The following ASAP2 variants were observed in gnomAD, a reference collection of about 807,000 sequenced individuals.
The protein encoded by ASAP2 is ArfGAP with SH3 domain, ankyrin repeat and PH domain 2, also known as arf-GAP with SH3 domain, ANK repeat and PH domain-containing protein 2.
In ASAP2, 45 loss-of-function variants were observed where a neutral mutation model predicts 131.4. The observed-to-expected ratio is 0.34, with a 90% CI of 0.27 to 0.44. ASAP2 has a LOEUF of 0.44. Among genes scored for constraint, ASAP2 ranks in the 20% least tolerant of loss-of-function variants. The pLI is 1.00. For missense variants in ASAP2, 1,011 were observed against 1,297.0 expected, an observed-to-expected ratio of 0.78 and a Z score of 3.39; for synonymous variants, 510 against 503.0, an observed-to-expected ratio of 1.01 and a Z score of -0.19.
In ASAP2 at chr2:9,311,705, G is replaced by A. The variant is rs553586756; in HGVS notation, c.346-6819G>A. ...GCCAGAACTCGAGGATGGCTCGTTC[G>A]GCTGCGGGCCTGAGGCTGCTGGACA... On this transcript the variant is annotated intron_variant, in intron 3 of 27. Transcript: ENST00000281419. The surrounding 1 kb of genome is among the most constrained non-coding windows in gnomAD (Gnocchi z 5.2). 4.7e-4 allele frequency among the ~76,000 whole-genome samples: 72 copies of A among 152,284 alleles called. No homozygotes were observed. Among genetic ancestry groups the A allele is most frequent in the Middle Eastern group, 3.4e-3 (1 of 294 alleles).
intron 20 of ASAP2, among the ~76,000 whole-genome samples, chr2:9,381,922 T>C (rs966300132): frequency 6.6e-6 from 1 of 151,366 alleles, no homozygotes; most frequent in African/African-American, 2.4e-5. Flanking sequence ...GCTATACAAG[T>C]GTAAGATAAG....
At chr2:9,344,979 A>T (rs997529481) in intron 11 of ASAP2, among the ~76,000 whole-genome samples, 179 bp downstream of exon 11, 2 of 138,956 alleles carry the variant, frequency 1.4e-5, no homozygotes, top group East Asian at 2.1e-4. Context: ...GTGCACCTGC[A>T]GCCTGTTTAT....
chr2:9,385,587 T>A (rs1035875713), intron 21 of ASAP2, among the ~76,000 whole-genome samples: 2 of 152,202 alleles, frequency 1.3e-5, no homozygotes, highest in Admixed American at 1.3e-4. Flanking sequence ...TATGTACTTA[T>A]AGGCAGCCTT....
At chr2:9,226,025 G>A (rs1357217871) in intron 1 of ASAP2, among the ~76,000 whole-genome samples, 1 of 152,202 alleles carries the variant, frequency 6.6e-6, no homozygotes, top group Non-Finnish European at 1.5e-5. Context: ...GTTCTGCCAG[G>A]GAGGAGATGA....
chr2:9,236,570 A>G (rs1310791639), intron 1 of ASAP2, among the ~76,000 whole-genome samples: 6 of 152,238 alleles, frequency 3.9e-5, no homozygotes, highest in African/African-American at 1.2e-4. Context: ...CTGTATAAAC[A>G]TTCTTAATGT....
At position 9,323,247 on chromosome 2, in the gene ASAP2, C is replaced by T. The variant is rs772270223; in HGVS notation, c.597C>T (p.Cys199=). The T allele has an allele frequency of 1.9e-5, 30 of 1,613,954 alleles. No individual in the cohort carries two copies. Among genetic ancestry groups the T allele is most frequent in the East Asian group, 1.1e-4 (5 of 44,896 alleles). Residue 199 remains cysteine, a synonymous_variant, in exon 6 of 28, where the codon TGC becomes TGT. Transcript: ENST00000281419. ...KERRFFQLQM[C]EYLLKVNEIK... ...GGCGCTTCTTCCAGCTACAGATGTG[C>T]GAGGTAAGGCGGTGGTGAAGGCAGG...
At chr2:9,235,567 A>T (rs1663491399) in intron 1 of ASAP2, among the ~76,000 whole-genome samples, 1 of 152,052 alleles carries the variant, frequency 6.6e-6, no homozygotes, top group South Asian at 2.1e-4. Context: ...TTAGGGAGTG[A>T]AGGGAGTGAA....
At chr2:9,253,313 G>A (rs192038055) in intron 1 of ASAP2, among the ~76,000 whole-genome samples, 1 of 151,958 alleles carries the variant, frequency 6.6e-6, no homozygotes. Flanking sequence ...ACAGGTGCCC[G>A]CCACCACACC....
chr2:9,246,656 G>A (rs772526162), intron 1 of ASAP2, among the ~76,000 whole-genome samples: 83 of 152,326 alleles, frequency 5.4e-4, no homozygotes, highest in African/African-American at 9.1e-4. Context: ...AAAGAGAACC[G>A]TGAGAGGTCT....
At position 9,344,624 on chromosome 2, in the gene ASAP2, G is replaced by A. The variant is rs1381740259; in HGVS notation, c.942G>A (p.Lys314=). 1.9e-6 allele frequency: 3 copies of A among 1,614,176 alleles called. No individual in the cohort carries two copies. The highest frequency in any genetic ancestry group is 3.3e-5 in the Admixed American group (2 of 60,034). Residue 314 remains lysine, a synonymous_variant, in exon 10 of 28, where the codon AAG becomes AAA. Coordinates refer to ENST00000281419, the MANE Select transcript of ASAP2 (RefSeq NM_003887.3). ...CCGAGCGGAACGGCAGCCTCTACAA[G>A]AAGAGTGACGGGTACGTGAGGGGGT... is the stretch of plus-strand genomic sequence containing the variant. ...HGTERNGSLY[K]KSDGIRKVWQ...
At chr2:9,399,853 G>C (rs1435811209) in intron 24 of ASAP2, 170 bp from the exon 25 acceptor site, 1 of 660,266 alleles carries the variant, frequency 1.5e-6, no homozygotes. Context: ...ACTTTCCTCA[G>C]GGCCTCTCAT....
chr2:9,275,482 C>T (rs1371810827), intron 1 of ASAP2, among the ~76,000 whole-genome samples: 3 of 152,190 alleles, frequency 2.0e-5, no homozygotes, highest in African/African-American at 7.2e-5. Context: ...TTGAGAGAGA[C>T]AGCACAGATC....
chr2:9,329,239 T>G (rs1309297834), intron 7 of ASAP2, among the ~76,000 whole-genome samples: 2 of 152,204 alleles, frequency 1.3e-5, no homozygotes, highest in Non-Finnish European at 2.9e-5. Context: ...TGGAAAAGCC[T>G]TAGGGATGTG....
chr2:9,375,411 C>A (rs1224586735), intron 17 of ASAP2, among the ~76,000 whole-genome samples: 1 of 152,086 alleles, frequency 6.6e-6, no homozygotes, highest in Non-Finnish European at 1.5e-5. Context: ...AGGGTTTTTT[C>A]TTTTCAGTAG....
At chr2:9,225,648 G>A (rs1263268792) in intron 1 of ASAP2, among the ~76,000 whole-genome samples, 1 of 152,128 alleles carries the variant, frequency 6.6e-6, no homozygotes, top group African/African-American at 2.4e-5. Flanking sequence ...CATGAGCATA[G>A]CTGGGCTTAG....
chr2:9,354,663 A>G (rs745680992), intron 12 of ASAP2, among the ~76,000 whole-genome samples: 1 of 150,776 alleles, frequency 6.6e-6, no homozygotes, highest in Non-Finnish European at 1.5e-5. Flanking sequence ...AAAAAAAAAG[A>G]AAAAGAAAAA....
intron 3 of ASAP2, among the ~76,000 whole-genome samples, chr2:9,310,013 A>T (rs1669198936): frequency 6.6e-6 from 1 of 152,110 alleles, no homozygotes; most frequent in South Asian, 2.1e-4. Context: ...GCTGTTTCAC[A>T]CTCTGATACC....
At position 9,400,745 on chromosome 2, in the gene ASAP2, A is replaced by G; in HGVS notation, c.2738A>G (p.Asp913Gly). The change falls in exon 26 of 28, where the codon GAT becomes GGT. Residue 913 changes from aspartate (D) to glycine (G), a missense_variant. Transcript: ENST00000281419. Reference protein sequence around the residue: ...TNKGQPRGPVDLSATEALGPL... With the variant: ...TNKGQPRGPVGLSATEALGPL... The stretch of plus-strand genomic sequence containing the variant: ...CTGCTTCATTTTTGCCCTACAGTGG[A>G]TCTCTCTGCAACGGAAGCTCTGGGT... The G allele has an allele frequency of 6.2e-7, 1 of 1,613,454 alleles. No individual in the cohort carries two copies. Among genetic ancestry groups the G allele is most frequent in the African/African-American group, 1.3e-5 (1 of 75,024 alleles).
chr2:9,244,796 A>G (rs1396359504), intron 1 of ASAP2, among the ~76,000 whole-genome samples: 2 of 152,282 alleles, frequency 1.3e-5, no homozygotes, highest in African/African-American at 4.8e-5. Context: ...TATTTACAGT[A>G]TATGAGAATA....
Sources: gnomAD v4.1 joint callset for allele counts (sites outside exome capture counted in the v4.1 genomes callset) on GRCh38, gnomAD v4.1.1 for gene constraint, Gnocchi (gnomAD v3.1) non-coding constraint, MANE v1.5 for transcripts, NCBI Gene and HGNC (gene_info 2026-07-23, HGNC 2026-07-21) for gene names.